SNAP91: variants seen among roughly 807,000 people sequenced by gnomAD.
SNAP91 encodes the protein synaptosome associated protein 91, also known as clathrin coat assembly protein AP180.
In SNAP91, 27 loss-of-function variants were observed where a neutral mutation model predicts 100.3. The ratio of observed to expected loss-of-function variants is 0.27; its 90% confidence interval spans 0.20 to 0.37. The LOEUF (loss-of-function observed/expected upper bound fraction) is 0.37. SNAP91 is among the 10% of genes least tolerant of loss of function. The pLI, the probability that SNAP91 is intolerant of heterozygous loss-of-function variation, is 1.00. For missense variants in SNAP91, 986 were observed against 1,123.7 expected, an observed-to-expected ratio of 0.88 and a Z score of 1.75; for synonymous variants, 404 against 398.6, an observed-to-expected ratio of 1.01 and a Z score of -0.16.
At chr6:83,674,936 G>T (rs1334723558) in intron 2 of SNAP91, among the ~76,000 whole-genome samples, 5 of 152,184 alleles carry the variant, frequency 3.3e-5, no homozygotes, top group Admixed American at 3.3e-4. Flanking sequence ...GGAGGCTAAG[G>T]AGAGGTATTG....
At chr6:83,665,308 T>C (rs931441493) in intron 3 of SNAP91, 131 bp downstream of exon 3, 5 of 853,458 alleles carry the variant, frequency 5.9e-6, no homozygotes, top group African/African-American at 5.2e-5. Flanking sequence ...GTATTCTAGA[T>C]GATCCGGAAC....
intron 9 of SNAP91, among the ~76,000 whole-genome samples, chr6:83,620,480 C>T (rs1388801899): frequency 6.6e-6 from 1 of 152,188 alleles, no homozygotes; most frequent in Non-Finnish European, 1.5e-5. Flanking sequence ...GGACTAACCC[C>T]AGAACAATTC....
chr6:83,565,679 T>C (rs1795547368), intron 26 of SNAP91, among the ~76,000 whole-genome samples: 1 of 152,150 alleles, frequency 6.6e-6, no homozygotes, highest in South Asian at 2.1e-4. Context: ...CTAAAGAAGA[T>C]ATACAAATGA....
Position 83,601,441 on chromosome 6 carries a change from A to G in SNAP91, c.1157-3T>C, listed in dbSNP as rs16871625. 9,445 of 1,613,602 alleles carry G rather than the reference A, an allele frequency of 5.9e-3. 373 individuals carry two copies. The African/African-American group carries it at 0.096, about 16-fold the overall frequency. Reference sequence around the variant, plus strand: ...AGAGGAAAGTGCAGCCAAAGAATCTATATTTCACCAGAGACAGAGAGCAAA... The same window carrying G: ...AGAGGAAAGTGCAGCCAAAGAATCTGTATTTCACCAGAGACAGAGAGCAAA... On this transcript the variant is annotated splice_polypyrimidine_tract_variant and splice_region_variant and intron_variant, in intron 15 of 29. Coordinates refer to ENST00000369694, the MANE Select transcript of SNAP91 (RefSeq NM_001242792.2).
intron 11 of SNAP91, among the ~76,000 whole-genome samples, chr6:83,611,688 A>G (rs181762925): frequency 2.6e-4 from 40 of 151,684 alleles, no homozygotes; most frequent in Admixed American, 4.6e-4. Context: ...ATTATATGCC[A>G]AGTTAATATC....
At chr6:83,672,552 A>G (rs757013348) in intron 2 of SNAP91, among the ~76,000 whole-genome samples, 16 of 152,114 alleles carry the variant, frequency 1.1e-4, no homozygotes, top group Non-Finnish European at 1.6e-4. Flanking sequence ...TCTCTCCCCG[A>G]CTGGAGCTCA....
At chr6:83,589,915 A>G (rs2093472068) in intron 22 of SNAP91, among the ~76,000 whole-genome samples, 1 of 152,172 alleles carries the variant, frequency 6.6e-6, no homozygotes, top group Non-Finnish European at 1.5e-5. Context: ...TTTATTGTAT[A>G]ACTTGTAATT....
At chr6:83,696,302 A>C (rs1203377835) in intron 2 of SNAP91, among the ~76,000 whole-genome samples, 1 of 152,244 alleles carries the variant, frequency 6.6e-6, no homozygotes, top group Admixed American at 6.5e-5. Flanking sequence ...TAGATGTAAC[A>C]ATCAGAACTA....
At chr6:83,603,375 T>A (rs536892676) in intron 14 of SNAP91, among the ~76,000 whole-genome samples, 1 of 151,862 alleles carries the variant, frequency 6.6e-6, no homozygotes, top group Non-Finnish European at 1.5e-5. Flanking sequence ...ATAATTTGGA[T>A]CCAACTGCCT....
chr6:83,643,244 T>A (rs1356021396), intron 7 of SNAP91, among the ~76,000 whole-genome samples: 1 of 152,234 alleles, frequency 6.6e-6, no homozygotes, highest in Non-Finnish European at 1.5e-5. Flanking sequence ...TTTTGGTGTT[T>A]TACACATGAA....
intron 2 of SNAP91, among the ~76,000 whole-genome samples, chr6:83,691,456 C>T (rs1183270743): frequency 2.0e-5 from 3 of 152,058 alleles, no homozygotes; most frequent in Admixed American, 2.0e-4. Flanking sequence ...TTAGTATATA[C>T]AATGTATATC....
chr6:83,630,554 C>T (rs2097164628), intron 8 of SNAP91, among the ~76,000 whole-genome samples: 1 of 151,964 alleles, frequency 6.6e-6, no homozygotes, highest in African/African-American at 2.4e-5. Flanking sequence ...TCTAATTCTT[C>T]CTGATTTAAG....
intron 2 of SNAP91, among the ~76,000 whole-genome samples, chr6:83,678,572 C>T (rs183156037): frequency 6.6e-6 from 1 of 152,300 alleles, no homozygotes; most frequent in Admixed American, 6.5e-5. Flanking sequence ...GCAACTGCTG[C>T]TGCAGGCATT....
chr6:83,620,684 G>C (rs888843022), intron 9 of SNAP91, among the ~76,000 whole-genome samples: 12 of 151,998 alleles, frequency 7.9e-5, no homozygotes, highest in South Asian at 2.1e-4. Context: ...TATTGAACTA[G>C]AGGAATTTTT....
chr6:83,682,964 G>T (rs1354331075), intron 2 of SNAP91, among the ~76,000 whole-genome samples: 1 of 151,976 alleles, frequency 6.6e-6, no homozygotes, highest in East Asian at 1.9e-4. Flanking sequence ...GCCTCTGGAA[G>T]CCTCTACCAT....
At chr6:83,590,468 CTG>C (rs1320106354) in intron 22 of SNAP91, among the ~76,000 whole-genome samples, 3 of 151,940 alleles carry the variant, frequency 2.0e-5, no homozygotes, top group East Asian at 3.9e-4. Flanking sequence ...CCAAGGCAAA[CTG>C]TACCAATCTA....
At chr6:83,592,344 C>A in intron 21 of SNAP91, 111 bp downstream of exon 21, 1 of 685,836 alleles carries the variant, frequency 1.5e-6, no homozygotes, top group East Asian at 2.9e-5. Flanking sequence ...ATTTAAGAGA[C>A]AGAATTTTAT....
Position 83,560,223 on chromosome 6 carries a change from T to C in SNAP91, c.2527-15A>G. On this transcript the variant is annotated splice_polypyrimidine_tract_variant and intron_variant, in intron 27 of 29. Coordinates refer to ENST00000369694, the MANE Select transcript of SNAP91 (RefSeq NM_001242792.2). ...CCAGCAGGAGGCTGAGGAGGAAGAATGGAGAGTGGTTCAGAGCATGAGTGG... is the reference window on the plus strand; with the variant it reads ...CCAGCAGGAGGCTGAGGAGGAAGAACGGAGAGTGGTTCAGAGCATGAGTGG... 1.9e-6 allele frequency: 3 copies of C among 1,602,244 alleles called. No individual in the cohort carries two copies. The highest frequency in any genetic ancestry group is 2.6e-6 in the Non-Finnish European group (3 of 1,169,648).
intron 28 of SNAP91, among the ~76,000 whole-genome samples, chr6:83,558,636 AG>A (rs1474051213): frequency 1.3e-5 from 2 of 152,276 alleles, no homozygotes; most frequent in African/African-American, 4.8e-5. Flanking sequence ...AAGGGATTAA[AG>A]TATACTCAGA....
Sources: gnomAD v4.1 joint callset for allele counts (sites outside exome capture counted in the v4.1 genomes callset) on GRCh38, gnomAD v4.1.1 for gene constraint, MANE v1.5 for transcripts, NCBI Gene and HGNC (gene_info 2026-07-23, HGNC 2026-07-21) for gene names.